The following TCF20 variants were observed in gnomAD, a reference collection of about 807,000 sequenced individuals.
TCF20 encodes SPRE-binding protein.
TCF20 carries 3 observed loss-of-function variants against 148.6 expected under a neutral mutation model. The ratio of observed to expected loss-of-function variants is 0.02; its 90% confidence interval spans 0.01 to 0.05. The LOEUF (loss-of-function observed/expected upper bound fraction) is 0.05. Among genes scored for constraint, TCF20 ranks in the 10% least tolerant of loss-of-function variants. The pLI is 1.00. For missense variants in TCF20, 2,350 were observed against 2,429.3 expected, an observed-to-expected ratio of 0.97 and a Z score of 0.69; for synonymous variants, 1,049 against 909.5, an observed-to-expected ratio of 1.15 and a Z score of -2.76.
intron 1 of TCF20, among the ~76,000 whole-genome samples, chr22:42,265,718 G>C (rs1926250057): frequency 6.6e-6 from 1 of 152,216 alleles, no homozygotes; most frequent in African/African-American, 2.4e-5. Flanking sequence ...ACTGTGGAAA[G>C]AACTGTCTTT....
At chr22:42,189,970 GAAGCTGC>G (rs1937246919) in intron 2 of TCF20, among the ~76,000 whole-genome samples, 1 of 152,204 alleles carries the variant, frequency 6.6e-6, no homozygotes, top group African/African-American at 2.4e-5. Flanking sequence ...GCTGTCCACT[GAAGCTGC>G]TGATCTGGAA....
chr22:42,325,939 T>A (rs1022305106), intron 1 of TCF20, among the ~76,000 whole-genome samples: 3 of 152,154 alleles, frequency 2.0e-5, no homozygotes, highest in African/African-American at 7.2e-5. Flanking sequence ...CTCAGGTGAG[T>A]AAGACATGGT....
rs1223698115 is a variant in TCF20, at chr22:42,210,857, C to T, written c.4449G>A (p.Leu1483=). The change falls in exon 2 of 6, where the codon CTG becomes CTA. Residue 1483 remains leucine, a synonymous_variant. Transcript: ENST00000677622. The surrounding 1 kb of genome is among the most constrained non-coding windows in gnomAD (Gnocchi z 4.7). ...GAAAGATTAAAGGTGCTGTTCCACC[C>T]AGGGAACCATCTGGTCTCCCTTGGT... ...GSNQGRPDGS[L]GGTAPLIFPD... 2 of 1,614,178 alleles carry T rather than the reference C, an allele frequency of 1.2e-6. No homozygotes were observed. The highest frequency in any genetic ancestry group is 2.7e-5 in the African/African-American group (2 of 75,030).
At chr22:42,298,371 T>C (rs1326225742) in intron 1 of TCF20, among the ~76,000 whole-genome samples, 1 of 152,050 alleles carries the variant, frequency 6.6e-6, no homozygotes, top group African/African-American at 2.4e-5. Context: ...ACCCATTGGG[T>C]GTGGAAGGCG....
At chr22:42,323,793 C>T (rs1927778008) in intron 1 of TCF20, among the ~76,000 whole-genome samples, 1 of 149,666 alleles carries the variant, frequency 6.7e-6, no homozygotes, top group African/African-American at 2.4e-5. Flanking sequence ...CTTTCCAAGG[C>T]TGTGAGGATT....
chr22:42,305,204 C>G (rs575916553), intron 1 of TCF20, among the ~76,000 whole-genome samples: 2 of 152,248 alleles, frequency 1.3e-5, no homozygotes, highest in East Asian at 3.9e-4. Context: ...CTCCTGGCCC[C>G]CAAGGCTGCT....
chr22:42,319,094 C>T (rs115497862), intron 1 of TCF20, among the ~76,000 whole-genome samples: 1,561 of 152,280 alleles, frequency 0.01, 27 homozygotes, highest in African/African-American at 0.036. Flanking sequence ...TCAGGCTGGC[C>T]GTGGGAGGGC....
intron 1 of TCF20, among the ~76,000 whole-genome samples, chr22:42,268,056 G>C (rs1230155064): frequency 1.3e-5 from 2 of 152,018 alleles, no homozygotes; most frequent in East Asian, 1.9e-4. Context: ...TGACGCAGGA[G>C]AATCACCTGA....
chr22:42,249,228 G>C (rs538561192), intron 1 of TCF20, among the ~76,000 whole-genome samples: 1 of 152,190 alleles, frequency 6.6e-6, no homozygotes, highest in Non-Finnish European at 1.5e-5. Flanking sequence ...CCCTGGTTCT[G>C]AGGCCTTTGG....
chr22:42,248,176 T>A (rs764982270), intron 1 of TCF20, among the ~76,000 whole-genome samples: 3 of 152,206 alleles, frequency 2.0e-5, no homozygotes, highest in African/African-American at 7.2e-5. Context: ...CACGTACTCA[T>A]GTGGGCGCTG....
intron 2 of TCF20, among the ~76,000 whole-genome samples, chr22:42,207,561 A>C (rs772673353): frequency 1.3e-5 from 2 of 152,206 alleles, no homozygotes; most frequent in Non-Finnish European, 2.9e-5. Flanking sequence ...CAAGCCTGTA[A>C]TCCCAGCACT....
At chr22:42,218,837 C>T (rs1922058076) in intron 1 of TCF20, among the ~76,000 whole-genome samples, 1 of 151,908 alleles carries the variant, frequency 6.6e-6, no homozygotes, top group Non-Finnish European at 1.5e-5. Flanking sequence ...CCTTCCCCTG[C>T]AGATTCCCTG....
In TCF20 at chr22:42,178,582, ATTCTT is replaced by A. The variant is rs1235428850; in HGVS notation, c.5749+1022_5749+1026del. ...AACCACATATCCAGAATTACAAATA[ATTCTT>A]TTTTTTTTTTTTTTTTTTTTTGAGA... is the stretch of plus-strand genomic sequence containing the variant. On this transcript the variant is annotated intron_variant, in intron 3 of 5. Coordinates refer to ENST00000677622, the MANE Select transcript of TCF20 (RefSeq NM_001378418.1). 4.0e-4 allele frequency among the ~76,000 whole-genome samples: 57 copies of A among 144,018 alleles called. No individual in the cohort carries two copies. The South Asian group carries it at 0.011, about 28-fold the overall frequency. 94.5% of individuals were successfully genotyped at this position (144,018 alleles called of 152,430 possible).
chr22:42,327,871 C>T (rs561731879), intron 1 of TCF20, among the ~76,000 whole-genome samples: 13 of 151,612 alleles, frequency 8.6e-5, no homozygotes, highest in Non-Finnish European at 1.3e-4. Flanking sequence ...TTGCCTTCCC[C>T]GGCCTCAAAG....
chr22:42,233,984 C>T (rs913869393), intron 1 of TCF20, among the ~76,000 whole-genome samples: 6 of 152,120 alleles, frequency 3.9e-5, no homozygotes, highest in Admixed American at 3.9e-4. Context: ...CTTTCAATGC[C>T]TCTAGCCCTT....
intron 2 of TCF20, 77 bp from the exon 3 acceptor site, chr22:42,179,779 C>T (rs2147094951): frequency 1.1e-6 from 1 of 912,072 alleles, no homozygotes; most frequent in East Asian, 2.4e-5. Context: ...TGGTCCCCAT[C>T]TGTTAGACCT....
Position 42,299,668 on chromosome 22 carries a change from C to G in TCF20, c.-37+43811G>C, listed in dbSNP as rs1927298591. 6.6e-6 allele frequency among the ~76,000 whole-genome samples: 1 copy of G among 152,094 alleles called. No individual in the cohort carries two copies. Among genetic ancestry groups the G allele is most frequent in the South Asian group, 2.1e-4 (1 of 4,822 alleles). ...GAACGCAGGCCCCCCTGCCCGCACC[C>G]CAACACTTCAAGACCTCCTAGGAGT... On this transcript the variant is annotated intron_variant, in intron 1 of 1. Transcript: ENST00000515426. The surrounding 1 kb of genome is among the most constrained non-coding windows in gnomAD (Gnocchi z 4.1).
rs113916913 is a variant in TCF20, at chr22:42,323,851, A to G, written c.-37+19628T>C. On this transcript the variant is annotated intron_variant, in intron 1 of 1. Coordinates refer to the TCF20 transcript ENST00000515426. ...GGTGGTCGCGGTGGTGGTAGTGGTG[A>G]TGGAGGTTATGGTGGTGGTGGTGGT... 8.5e-5 allele frequency among the ~76,000 whole-genome samples: 11 copies of G among 129,816 alleles called. 1 individual carries two copies. Among genetic ancestry groups the G allele is most frequent in the South Asian group, 2.6e-4 (1 of 3,908 alleles). The allele number at this position is 129,816 out of a possible 152,430, so 85.2% of individuals were successfully genotyped here. A position where few individuals can be genotyped will look rare whatever the true frequency, so the allele number is the denominator to read the frequency against.
intron 1 of TCF20, among the ~76,000 whole-genome samples, chr22:42,307,566 C>A (rs1927457927): frequency 6.6e-6 from 1 of 152,266 alleles, no homozygotes; most frequent in African/African-American, 2.4e-5. Context: ...CATGTACATT[C>A]TGAAGCACTA....
Sources: allele counts gnomAD v4.1 joint callset (sites outside exome capture counted in the v4.1 genomes callset), GRCh38; gene constraint gnomAD v4.1.1; non-coding constraint Gnocchi (gnomAD v3.1); transcripts MANE v1.5; gene names NCBI Gene and HGNC (gene_info 2026-07-23, HGNC 2026-07-21).